ZNF420: variants seen among roughly 807,000 people sequenced by gnomAD.
The protein encoded by ZNF420 is ATM and p53-associated KZNF protein.
Under a neutral mutation model 44.7 loss-of-function variants are expected in ZNF420, and 31 were observed. The observed-to-expected ratio is 0.69, with a 90% CI of 0.52 to 0.94. The LOEUF is 0.94. ZNF420 is among the 40% of genes least tolerant of loss of function. The pLI, the probability that ZNF420 is intolerant of heterozygous loss-of-function variation, is 0.00. For synonymous variants in ZNF420, 245 were observed against 267.4 expected (o/e 0.92, Z 0.82); for missense variants, 681 against 827.9 (o/e 0.82, Z 2.18).
At chr19:37,110,741 A>C (rs944325774) in intron 4 of ZNF420, among the ~76,000 whole-genome samples, 11 of 152,130 alleles carry the variant, frequency 7.2e-5, no homozygotes, top group Admixed American at 7.2e-4. Flanking sequence ...ATTGATACTG[A>C]GTTTTGATTA....
intron 4 of ZNF420, among the ~76,000 whole-genome samples, chr19:37,126,866 G>T (rs537321240): frequency 1.1e-3 from 163 of 152,118 alleles, no homozygotes; most frequent in African/African-American, 3.9e-3. Context: ...AGTGGGGTTT[G>T]TCTGCATGTG....
At chr19:37,051,083 G>T (rs1201322944) in intron 1 of ZNF420, among the ~76,000 whole-genome samples, 1 of 152,150 alleles carries the variant, frequency 6.6e-6, no homozygotes, top group African/African-American at 2.4e-5. Flanking sequence ...ACTTGATCAT[G>T]GTGGATAAGC....
In ZNF420 at chr19:37,130,088, T is replaced by C. The variant is rs149074560; in HGVS notation, c.*1030T>C. On this transcript the variant is annotated 3_prime_UTR_variant, in exon 5 of 5. Coordinates refer to ENST00000337995, the MANE Select transcript of ZNF420 (RefSeq NM_144689.5). ...AGTGATATTTATATGAGTAGGAGAT[T>C]TACGAAATCCATTTTTCCTGTCTTT... 787 of 1,550,438 alleles carry C rather than the reference T, an allele frequency of 5.1e-4. 7 individuals carry two copies. The Admixed American group carries it at 9.3e-3, about 18-fold the overall frequency.
chr19:37,090,632 A>AT (rs1192046246), intron 3 of ZNF420, among the ~76,000 whole-genome samples: 2 of 149,080 alleles, frequency 1.3e-5, no homozygotes, highest in East Asian at 2.1e-4. Flanking sequence ...TTGAAAAAGT[A>AT]TTTTTTTGGC....
chr19:37,044,712 A>G (rs1420368392), intron 1 of ZNF420, among the ~76,000 whole-genome samples: 3 of 152,104 alleles, frequency 2.0e-5, no homozygotes, highest in Non-Finnish European at 4.4e-5. Flanking sequence ...CTAAAAATAC[A>G]AAAGATTAGC....
Position 37,129,864 on chromosome 19 carries a change from CT to C in ZNF420, c.*807del. The C allele has an allele frequency of 1.2e-6, 1 of 858,374 alleles. No individual in the cohort carries two copies. Among genetic ancestry groups the C allele is most frequent in the Non-Finnish European group, 1.7e-6 (1 of 604,128 alleles). 53.2% of individuals were successfully genotyped at this position (858,374 alleles called of 1,614,324 possible). On this transcript the variant is annotated 3_prime_UTR_variant, in exon 5 of 5. Coordinates refer to ENST00000337995, the MANE Select transcript of ZNF420 (RefSeq NM_144689.5). ...GTCTAAGATCCAAAGTCTAATAAAT[CT>C]AGGAATTTTTTAAAAACTTGAATGT...
chr19:37,094,456 T>C (rs1273032661), intron 4 of ZNF420, among the ~76,000 whole-genome samples: 1 of 152,206 alleles, frequency 6.6e-6, no homozygotes, highest in Non-Finnish European at 1.5e-5. Context: ...ATGTCAATGG[T>C]ATTTTATAGT....
At chr19:37,058,453 A>T (rs1327419903) in intron 1 of ZNF420, among the ~76,000 whole-genome samples, 7 of 152,236 alleles carry the variant, frequency 4.6e-5, no homozygotes, top group Non-Finnish European at 5.9e-5. Context: ...CCCAGAACTG[A>T]ATCTTTCAGC....
chr19:37,128,383 A>G lies in ZNF420; in HGVS notation c.1392A>G (p.Gln464=). 1 of 1,614,064 alleles carries G rather than the reference A, an allele frequency of 6.2e-7. No individual in the cohort carries two copies. Among genetic ancestry groups the G allele is most frequent in the Non-Finnish European group, 8.5e-7 (1 of 1,179,972 alleles). Residue 464 remains glutamine, a synonymous_variant, in exon 5 of 5, where the codon CAA becomes CAG. Coordinates refer to ENST00000337995, the MANE Select transcript of ZNF420 (RefSeq NM_144689.5). The part of the protein sequence containing the change: ...KTFSRGSELT[Q]HERIHTGEKP... ...TTAGTCGTGGCTCAGAACTTACTCA[A>G]CATGAGCGAATTCACACAGGTGAGA...
At chr19:37,109,893 G>A (rs1174711552) in intron 4 of ZNF420, 1 of 152,168 alleles carries the variant, frequency 6.6e-6, no homozygotes, top group Non-Finnish European at 1.5e-5. Flanking sequence ...TAGAGTGCTA[G>A]ATTAAGTTGC....
intron 4 of ZNF420, among the ~76,000 whole-genome samples, chr19:37,122,451 C>T (rs949296081): frequency 2.4e-5 from 3 of 127,184 alleles, no homozygotes; most frequent in African/African-American, 9.4e-5. Flanking sequence ...CATCACACTC[C>T]AGGGACTGTT....
At chr19:37,033,370 C>G (rs905759264) in intron 1 of ZNF420, among the ~76,000 whole-genome samples, 1 of 152,164 alleles carries the variant, frequency 6.6e-6, no homozygotes, top group African/African-American at 2.4e-5. Context: ...CTTCATTACT[C>G]TCTCCTCCCA....
At chr19:37,117,531 C>A (rs1212355204) in intron 4 of ZNF420, among the ~76,000 whole-genome samples, 5 of 152,090 alleles carry the variant, frequency 3.3e-5, no homozygotes, top group Non-Finnish European at 7.4e-5. Flanking sequence ...AAAAACAGAG[C>A]AGAAAAACTG....
chr19:37,061,543 G>A (rs947316909), intron 1 of ZNF420, among the ~76,000 whole-genome samples: 4 of 152,086 alleles, frequency 2.6e-5, no homozygotes, highest in African/African-American at 9.7e-5. Context: ...TAAGAAACAA[G>A]CAAAGAAAAG....
At chr19:37,098,706 T>A (rs888319685) in intron 4 of ZNF420, among the ~76,000 whole-genome samples, 2 of 152,228 alleles carry the variant, frequency 1.3e-5, no homozygotes. Context: ...ACATTCAAGA[T>A]GCTCTCTTCT....
At chr19:37,012,963 C>T (rs951163373) in intron 1 of ZNF420, among the ~76,000 whole-genome samples, 15 of 152,152 alleles carry the variant, frequency 9.9e-5, no homozygotes, top group Admixed American at 3.9e-4. Flanking sequence ...TTTGTTGAGC[C>T]TCTTTTTGCG....
chr19:37,079,283 A>G (rs530264062), intron 1 of ZNF420, among the ~76,000 whole-genome samples: 10 of 152,266 alleles, frequency 6.6e-5, no homozygotes, highest in Middle Eastern at 3.4e-3. Context: ...GTGTGACTTT[A>G]TGTGGCCATT....
chr19:37,040,070 A>T (rs1967425392), intron 1 of ZNF420, among the ~76,000 whole-genome samples: 1 of 152,082 alleles, frequency 6.6e-6, no homozygotes, highest in Non-Finnish European at 1.5e-5. Flanking sequence ...TATCCTCTCT[A>T]TCCAAAGTCC....
At chr19:37,013,256 GCTCA>G (rs1041455188) in intron 1 of ZNF420, among the ~76,000 whole-genome samples, 33 of 152,140 alleles carry the variant, frequency 2.2e-4, no homozygotes, top group African/African-American at 8.0e-4. Context: ...AGCAGCCCCC[GCTCA>G]CTATTTTTTA....
Sources: allele counts gnomAD v4.1 joint callset (sites outside exome capture counted in the v4.1 genomes callset), GRCh38; gene constraint gnomAD v4.1.1; transcripts MANE v1.5; gene names NCBI Gene and HGNC (gene_info 2026-07-23, HGNC 2026-07-21).